Variants in RPH3A observed in about 807,000 individuals in gnomAD.
RPH3A encodes rabphilin 3A.
In RPH3A, 48 loss-of-function variants were observed where a neutral mutation model predicts 102.2. The ratio of observed to expected loss-of-function variants is 0.47; its 90% confidence interval spans 0.37 to 0.60. The LOEUF (loss-of-function observed/expected upper bound fraction) is 0.60. RPH3A is among the 20% of genes least tolerant of loss of function. The pLI, the probability that RPH3A is intolerant of heterozygous loss-of-function variation, is 0.00. For missense variants in RPH3A, 781 were observed against 910.1 expected, an observed-to-expected ratio of 0.86 and a Z score of 1.83; for synonymous variants, 310 against 324.3, an observed-to-expected ratio of 0.96 and a Z score of 0.47.
At chr12:112,806,590 C>T (rs1242689063) in intron 2 of RPH3A, among the ~76,000 whole-genome samples, 1 of 151,788 alleles carries the variant, frequency 6.6e-6, no homozygotes, top group Non-Finnish European at 1.5e-5. Flanking sequence ...GATCACGCCA[C>T]TGCACTCCAG....
intron 1 of RPH3A, among the ~76,000 whole-genome samples, chr12:112,588,190 T>G (rs2039451649): frequency 6.6e-6 from 1 of 152,214 alleles, no homozygotes. Context: ...AAAACAATCT[T>G]TTTATGCACA....
chr12:112,894,073 C>T (rs2043141843), intron 19 of RPH3A: 1 of 160,662 alleles, frequency 6.2e-6, no homozygotes, highest in South Asian at 1.9e-4. Context: ...ACCCAGTACA[C>T]AGTTTTGAGA....
intron 1 of RPH3A, among the ~76,000 whole-genome samples, chr12:112,658,757 G>A (rs2040030464): frequency 6.6e-6 from 1 of 152,204 alleles, no homozygotes; most frequent in Non-Finnish European, 1.5e-5. Flanking sequence ...GTATCTGTAG[G>A]AATGGCTGCT....
At position 112,896,854 on chromosome 12, in the gene RPH3A, C is replaced by A. The variant is rs549787722; in HGVS notation, c.*74C>A. 6.4e-7 allele frequency: 1 copy of A among 1,553,926 alleles called. No individual in the cohort carries two copies. Among genetic ancestry groups the A allele is most frequent in the Non-Finnish European group, 8.8e-7 (1 of 1,134,746 alleles). ...CTCTAGCTGCCCACCGCACCCTGAT[C>A]TCTCTTCTCTATGCCTACCTCCCCC... On this transcript the variant is annotated 3_prime_UTR_variant, in exon 22 of 22. Transcript: ENST00000389385.
chr12:112,746,758 G>A (rs925882712), intron 1 of RPH3A, among the ~76,000 whole-genome samples: 46 of 152,150 alleles, frequency 3.0e-4, no homozygotes, highest in African/African-American at 8.4e-4. Flanking sequence ...TCTTGGGTCT[G>A]TCTCCGGCAG....
chr12:112,717,450 C>G (rs1258019211), intron 1 of RPH3A, among the ~76,000 whole-genome samples: 11 of 152,014 alleles, frequency 7.2e-5, no homozygotes, highest in Admixed American at 7.2e-4. Flanking sequence ...TTTGCCATTA[C>G]TTTTAATTAT....
intron 2 of RPH3A, among the ~76,000 whole-genome samples, chr12:112,795,883 C>T (rs11611340): frequency 7.9e-5 from 12 of 152,218 alleles, no homozygotes; most frequent in Middle Eastern, 3.4e-3. Flanking sequence ...TGTTCGCAAT[C>T]GGGGCGATGT....
intron 1 of RPH3A, among the ~76,000 whole-genome samples, chr12:112,728,483 C>T (rs556059492): frequency 1.3e-5 from 2 of 152,224 alleles, no homozygotes; most frequent in Admixed American, 6.5e-5. Context: ...TTTATATAAG[C>T]ATTTTTCTGG....
At position 112,847,790 on chromosome 12, in the gene RPH3A, A is replaced by G. The variant is rs373466378; in HGVS notation, c.178A>G (p.Arg60Gly). ...TGATGAGGAGAAAGAAATCATCAAC[A>G]GGGTGATTGCTCGAGCTGAGAAAAT... is the stretch of plus-strand genomic sequence containing the variant. ...LTDEEKEIIN[R>G]VIARAEKMEE... Residue 60 changes from arginine to glycine, a missense_variant, in exon 5 of 22, where the codon AGG becomes GGG. Coordinates refer to ENST00000389385, the MANE Select transcript of RPH3A (RefSeq NM_001143854.2). 6.2e-6 allele frequency: 10 copies of G among 1,614,074 alleles called. No homozygotes were observed. The African/African-American group carries it at 1.2e-4, about 19-fold the overall frequency.
chr12:112,865,306 C>A (rs1451203957), intron 5 of RPH3A, 108 bp from the exon 6 acceptor site: 5 of 1,297,168 alleles, frequency 3.9e-6, no homozygotes, highest in African/African-American at 1.5e-5. Flanking sequence ...ATCAGACGCA[C>A]AACAGCGTAT....
intron 1 of RPH3A, among the ~76,000 whole-genome samples, chr12:112,740,596 G>A (rs896618921): frequency 6.6e-6 from 1 of 152,184 alleles, no homozygotes; most frequent in Non-Finnish European, 1.5e-5. Context: ...GTTCCTGAAA[G>A]CCTCTGTGTC....
At chr12:112,728,273 C>G (rs1395968387) in intron 1 of RPH3A, among the ~76,000 whole-genome samples, 1 of 152,078 alleles carries the variant, frequency 6.6e-6, no homozygotes, top group Non-Finnish European at 1.5e-5. Flanking sequence ...GGGGGAGGAC[C>G]CTGCCCCAAT....
In RPH3A at chr12:112,817,986, T is replaced by G. The variant is rs186247585; in HGVS notation, c.-18-10315T>G. ...CTCAGGAAAATGGCAGGAATTTGAT[T>G]CAAATTGGACTTGAATTTGACTTCT... On this transcript the variant is annotated intron_variant, in intron 2 of 21. Coordinates refer to ENST00000389385, the MANE Select transcript of RPH3A (RefSeq NM_001143854.2). 4.1e-4 allele frequency among the ~76,000 whole-genome samples: 63 copies of G among 152,302 alleles called. No homozygotes were observed. The East Asian group carries it at 8.7e-3, about 21-fold the overall frequency.
chr12:112,883,425 A>C (rs1313119891), intron 16 of RPH3A, 23 bp downstream of exon 16: 3 of 1,576,502 alleles, frequency 1.9e-6, no homozygotes, highest in Non-Finnish European at 2.6e-6. Context: ...CAGAGGGCAG[A>C]GAGGGAGGCA....
At chr12:112,712,654 C>T (rs2136035945) in intron 1 of RPH3A, among the ~76,000 whole-genome samples, 1 of 151,436 alleles carries the variant, frequency 6.6e-6, no homozygotes, top group South Asian at 2.1e-4. Flanking sequence ...TTGTCCCCTA[C>T]TTGTGTGTGT....
chr12:112,579,240 G>T (rs1424963335), intron 1 of RPH3A, among the ~76,000 whole-genome samples: 1 of 152,094 alleles, frequency 6.6e-6, no homozygotes, highest in Admixed American at 6.5e-5. Flanking sequence ...TTCATTTGTG[G>T]TCTCCCCCTC....
At chr12:112,868,819 T>G (rs929847130) in intron 8 of RPH3A, 4 of 463,168 alleles carry the variant, frequency 8.6e-6, no homozygotes, top group African/African-American at 1.9e-5. Flanking sequence ...GCCCAGAGGC[T>G]TCATTGTCAT....
At chr12:112,654,335 A>G (rs1053495671) in intron 1 of RPH3A, among the ~76,000 whole-genome samples, 1 of 152,168 alleles carries the variant, frequency 6.6e-6, no homozygotes, top group Admixed American at 6.5e-5. Flanking sequence ...AGAAGCATCT[A>G]CTAAACCTGT....
At chr12:112,783,412 T>C (rs946235163) in intron 1 of RPH3A, among the ~76,000 whole-genome samples, 21 of 152,154 alleles carry the variant, frequency 1.4e-4, no homozygotes, top group Non-Finnish European at 2.8e-4. Context: ...TTCTCTATGC[T>C]CTGCCTCCCA....
Sources: gnomAD v4.1 joint callset for allele counts (sites outside exome capture counted in the v4.1 genomes callset) on GRCh38, gnomAD v4.1.1 for gene constraint, MANE v1.5 for transcripts, NCBI Gene and HGNC (gene_info 2026-07-23, HGNC 2026-07-21) for gene names.